PCNX2: variants seen among roughly 807,000 people sequenced by gnomAD.
PCNX2 encodes pecanex-like protein 2.
A neutral mutation model predicts 223.8 loss-of-function variants in PCNX2; 168 were observed. That is an observed-to-expected ratio of 0.75 (90% CI 0.66 to 0.85). PCNX2 has a LOEUF of 0.85. Ranked by LOEUF, PCNX2 falls within the 40% of genes least tolerant of loss-of-function variation. PCNX2 has a pLI of 0.00. For synonymous variants in PCNX2, 1,006 were observed against 1,052.6 expected (o/e 0.96, Z 0.86); for missense variants, 2,507 against 2,675.5 (o/e 0.94, Z 1.39).
At position 233,090,282 on chromosome 1, in the gene PCNX2, A is replaced by AT. The variant is rs923104999; in HGVS notation, c.3947-93dup. On this transcript the variant is annotated intron_variant, in intron 22 of 33. Transcript: ENST00000258229. Reference sequence around the variant, plus strand: ...ATTTTGATGAGTTTTCACTAAAGTCATTTTTTCCACCAAAGAAAGAACAAA... The same window carrying AT: ...ATTTTGATGAGTTTTCACTAAAGTCATTTTTTTCCACCAAAGAAAGAACAAA... 42 of 1,409,844 alleles carry AT rather than the reference A, an allele frequency of 3.0e-5. No homozygotes were observed. The African/African-American group carries it at 6.0e-4, about 20-fold the overall frequency. 87.3% of individuals were successfully genotyped at this position (1,409,844 alleles called of 1,614,324 possible).
chr1:232,986,044 C>T (rs543236239), intron 33 of PCNX2, 48 bp downstream of exon 33: 38 of 1,543,606 alleles, frequency 2.5e-5, no homozygotes, highest in Admixed American at 1.2e-4. Context: ...GCCAGGAGCC[C>T]GTGCCACCAT....
At chr1:233,233,036 C>A in intron 9 of PCNX2, 1 of 985,348 alleles carries the variant, frequency 1.0e-6, no homozygotes, top group Non-Finnish European at 1.2e-6. Flanking sequence ...TGTATTCCTA[C>A]AGATCCTATG....
intron 5 of PCNX2, among the ~76,000 whole-genome samples, chr1:233,257,471 T>C (rs1282806060): frequency 6.6e-6 from 1 of 152,208 alleles, no homozygotes; most frequent in Non-Finnish European, 1.5e-5. Flanking sequence ...ATGAGAACCC[T>C]TCCAGGCAAA....
chr1:233,038,683 C>T (rs1028453157), intron 25 of PCNX2, among the ~76,000 whole-genome samples: 5 of 152,128 alleles, frequency 3.3e-5, no homozygotes, highest in Non-Finnish European at 5.9e-5. Context: ...TGCTAATGAC[C>T]TGAATGTTGT....
Position 233,177,883 on chromosome 1 carries a change from G to A in PCNX2, c.3192C>T (p.Cys1064=). 2 of 1,613,758 alleles carry A rather than the reference G, an allele frequency of 1.2e-6. No individual in the cohort carries two copies. The highest frequency in any genetic ancestry group is 1.7e-6 in the Non-Finnish European group (2 of 1,179,686). ...GATGTAAAAATTTAGGAAACAGCCT[G>A]CATTGGATGAAGGACCTGAAAGTGG... ...DPSVLMSFIQ[C]RLFPKFLHQN... Residue 1064 remains cysteine (C), a synonymous_variant, in exon 17 of 34, where the codon TGC becomes TGT. Transcript: ENST00000258229.
intron 17 of PCNX2, among the ~76,000 whole-genome samples, chr1:233,177,006 T>A (rs946964747): frequency 6.6e-6 from 1 of 151,922 alleles, no homozygotes; most frequent in African/African-American, 2.4e-5. Context: ...TGAGATTCTG[T>A]CTCTAAAGAA....
rs374815412 is a variant in PCNX2 at position 233,090,204 on chromosome 1, G to C, written c.3947-14C>G. On this transcript the variant is annotated splice_polypyrimidine_tract_variant and intron_variant, in intron 22 of 33. Coordinates refer to ENST00000258229, the MANE Select transcript of PCNX2 (RefSeq NM_014801.4). The stretch of plus-strand genomic sequence containing the variant: ...GCATGGCAGAATCTGAGAATGTTGA[G>C]TTAAGGCAAAAAAAAAAATTATGAT... The C allele has an allele frequency of 6.9e-6, 11 of 1,596,740 alleles. No individual in the cohort carries two copies. Among genetic ancestry groups the C allele is most frequent in the Non-Finnish European group, 9.4e-6 (11 of 1,175,170 alleles).
intron 15 of PCNX2, chr1:233,181,177 A>G (rs1315581576): frequency 1.3e-5 from 2 of 150,652 alleles, no homozygotes; most frequent in East Asian, 1.9e-4. Flanking sequence ...TGCCCCGCCT[A>G]TAAAAATGCT....
At chr1:233,017,233 A>G in intron 26 of PCNX2, 79 bp from the exon 27 acceptor site, 1 of 1,069,460 alleles carries the variant, frequency 9.4e-7, no homozygotes, top group Non-Finnish European at 1.3e-6. Context: ...AGTAAGAGGC[A>G]TGAAATCCCT....
At chr1:233,282,095 T>C (rs1457208293) in intron 1 of PCNX2, among the ~76,000 whole-genome samples, 1 of 152,128 alleles carries the variant, frequency 6.6e-6, no homozygotes, top group Non-Finnish European at 1.5e-5. Flanking sequence ...CACTGAAAGT[T>C]TCTTGTCAAT....
intron 21 of PCNX2, among the ~76,000 whole-genome samples, chr1:233,116,052 AT>A (rs1311930036): frequency 1.3e-5 from 2 of 152,330 alleles, no homozygotes; most frequent in East Asian, 3.9e-4. Context: ...TTATATAATG[AT>A]AAAAGCATCA....
intron 19 of PCNX2, among the ~76,000 whole-genome samples, chr1:233,155,342 A>T (rs1678056540): frequency 6.6e-6 from 1 of 152,184 alleles, no homozygotes; most frequent in African/African-American, 2.4e-5. Flanking sequence ...TTCTACGGTG[A>T]CACAGCCATA....
chr1:233,001,521 TAAA>T lies in PCNX2; in HGVS notation c.5097+13_5097+15del. ...ATAAATAAATAAATAAATAAATAAA[TAAA>T]ATAGGTTTTTACCTGGTGAAGTTTC... On this transcript the variant is annotated intron_variant, in intron 29 of 33. Transcript: ENST00000258229. This position sits in a 1 kb window ranked among gnomAD's most constrained non-coding sequence, Gnocchi z 4.2. 2.9e-6 allele frequency: 3 copies of T among 1,021,384 alleles called. No homozygotes were observed. Among genetic ancestry groups the T allele is most frequent in the Middle Eastern group, 2.5e-4 (1 of 3,978 alleles). The allele number at this position is 1,021,384 out of a possible 1,614,324, so 63.3% of individuals were successfully genotyped here.
At chr1:233,257,844 T>C (rs1659817616) in intron 5 of PCNX2, among the ~76,000 whole-genome samples, 184 bp downstream of exon 5, 1 of 152,212 alleles carries the variant, frequency 6.6e-6, no homozygotes, top group African/African-American at 2.4e-5. Flanking sequence ...ACAATATATG[T>C]ATACATGTTC....
At chr1:233,198,912 A>T (rs769330790) in intron 15 of PCNX2, 27 bp downstream of exon 15, 2 of 1,538,874 alleles carry the variant, frequency 1.3e-6, no homozygotes, top group African/African-American at 1.4e-5. Context: ...ATCGAGAAGG[A>T]TGAGGGCCCA....
intron 13 of PCNX2, among the ~76,000 whole-genome samples, chr1:233,200,497 T>C (rs747481342): frequency 1.6e-4 from 24 of 146,806 alleles, no homozygotes; most frequent in Admixed American, 5.6e-4. Context: ...CTTAGACTCC[T>C]CTCACCCGGA....
At chr1:233,056,677 G>A (rs906872955) in intron 24 of PCNX2, among the ~76,000 whole-genome samples, 2 of 152,204 alleles carry the variant, frequency 1.3e-5, no homozygotes, top group Non-Finnish European at 2.9e-5. Flanking sequence ...AAAGAAGGGA[G>A]TGAGGAGGAC....
intron 21 of PCNX2, 67 bp downstream of exon 21, chr1:233,134,946 T>C (rs748251625): frequency 3.0e-6 from 4 of 1,348,194 alleles, no homozygotes; most frequent in East Asian, 2.3e-5. Context: ...TTTTAAACTC[T>C]TAAAACATTT....
intron 21 of PCNX2, among the ~76,000 whole-genome samples, chr1:233,116,506 C>T (rs1392048338): frequency 6.6e-6 from 1 of 152,060 alleles, no homozygotes; most frequent in East Asian, 1.9e-4. Flanking sequence ...AAAGATAACA[C>T]AAAAATATCC....
Sources: allele counts gnomAD v4.1 joint callset (sites outside exome capture counted in the v4.1 genomes callset), GRCh38; gene constraint gnomAD v4.1.1; non-coding constraint Gnocchi (gnomAD v3.1); transcripts MANE v1.5; gene names NCBI Gene and HGNC (gene_info 2026-07-23, HGNC 2026-07-21).